MGA: variants seen among roughly 807,000 people sequenced by gnomAD.
MGA encodes the protein MAX dimerization protein MGA.
A neutral mutation model predicts 261.1 loss-of-function variants in MGA; 40 were observed. The ratio of observed to expected loss-of-function variants is 0.15; its 90% CI spans 0.12 to 0.20. MGA has a LOEUF of 0.20. Ranked by LOEUF, MGA falls within the 10% of genes least tolerant of loss-of-function variation. The pLI, the probability that MGA is intolerant of heterozygous loss-of-function variation, is 1.00. For missense variants in MGA, 3,397 were observed against 3,630.5 expected (o/e 0.94, Z 1.65); for synonymous variants, 1,302 against 1,290.6 (o/e 1.01, Z -0.19).
At chr15:41,667,896 TAGGATCAAGTGATTCTCATGCCTC>T (rs1198749834) in intron 1 of MGA, among the ~76,000 whole-genome samples, 1 of 152,116 alleles carries the variant, frequency 6.6e-6, no homozygotes, top group African/African-American at 2.4e-5. Context: ...TTCTGCCTCC[TAGGATCAAGTGATTCTCATGCCTC>T]AGCCTCCTGA....
intron 9 of MGA, among the ~76,000 whole-genome samples, chr15:41,715,436 T>G (rs1256337784): frequency 6.6e-6 from 1 of 152,082 alleles, no homozygotes; most frequent in Non-Finnish European, 1.5e-5. Context: ...CTTTAAAGTC[T>G]TGTTTAGAAA....
upstream of MGA, chr15:41,660,303 C>T (rs1179966198): frequency 1.3e-5 from 2 of 152,462 alleles, no homozygotes; most frequent in African/African-American, 2.4e-5. Flanking sequence ...CGTTTGGACT[C>T]CTGGTGTTGG....
chr15:41,726,633 GC>G (rs1567039197), intron 9 of MGA, among the ~76,000 whole-genome samples: 1 of 151,774 alleles, frequency 6.6e-6, no homozygotes, highest in African/African-American at 2.4e-5. Flanking sequence ...GGTGGCTGAG[GC>G]ATGAGAATCT....
chr15:41,709,112 C>G (rs999138045), intron 7 of MGA, among the ~76,000 whole-genome samples: 1 of 151,956 alleles, frequency 6.6e-6, no homozygotes, highest in Non-Finnish European at 1.5e-5. Flanking sequence ...TTTGGGAGGC[C>G]GAAGCAAGCG....
At chr15:41,646,624 T>G (rs187706381) in intron 1 of MGA, among the ~76,000 whole-genome samples, 28 of 151,882 alleles carry the variant, frequency 1.8e-4, no homozygotes, top group Middle Eastern at 3.4e-3. Flanking sequence ...GAGGGAGAAT[T>G]GCTTGAACCT....
intron 17 of MGA, chr15:41,751,715 ACT>A (rs1252314777): frequency 6.6e-6 from 1 of 150,584 alleles, no homozygotes; most frequent in Non-Finnish European, 1.5e-5. Flanking sequence ...CAAGAACAAA[ACT>A]CTGTCTCGGG....
At chr15:41,763,795 CT>C (rs2063636433) in intron 22 of MGA, among the ~76,000 whole-genome samples, 1 of 152,112 alleles carries the variant, frequency 6.6e-6, no homozygotes, top group African/African-American at 2.4e-5. Flanking sequence ...TTAGTCTTAA[CT>C]TCTTATTACC....
At chr15:41,637,055 C>T (rs1019739233) in intron 1 of MGA, among the ~76,000 whole-genome samples, 5 of 151,836 alleles carry the variant, frequency 3.3e-5, no homozygotes, top group Admixed American at 2.0e-4. Flanking sequence ...TGGTAAAGGT[C>T]GTAGTAAAGA....
intron 1 of MGA, among the ~76,000 whole-genome samples, chr15:41,625,456 CT>C (rs1214339857): frequency 1.4e-5 from 2 of 145,054 alleles, no homozygotes; most frequent in Admixed American, 6.9e-5. Flanking sequence ...TTTTTTGAAT[CT>C]TTACAAAGTC....
In MGA at chr15:41,764,906, A is replaced by T; in HGVS notation, c.7765A>T (p.Thr2589Ser). 5 of 1,613,772 alleles carry T rather than the reference A, an allele frequency of 3.1e-6. No homozygotes were observed. Among genetic ancestry groups the T allele is most frequent in the Non-Finnish European group, 2.5e-6 (3 of 1,179,830 alleles). Reference sequence around the variant, plus strand: ...TACAGAAAATACCTCACCCTTGAACACTCCACACACCTCTGCCAACCTTGT... The same window carrying T: ...TACAGAAAATACCTCACCCTTGAACTCTCCACACACCTCTGCCAACCTTGT... The change falls in exon 23 of 24, where the codon ACT becomes TCT. Residue 2589 changes from threonine to serine, a missense_variant. Transcript: ENST00000219905.
chr15:41,655,723 C>T (rs960089209), upstream of MGA, among the ~76,000 whole-genome samples: 1 of 152,154 alleles, frequency 6.6e-6, no homozygotes, highest in African/African-American at 2.4e-5. Context: ...CAAGTGTCTG[C>T]CCTGTCAACA....
chr15:41,702,960 T>A (rs1487461628), intron 5 of MGA, among the ~76,000 whole-genome samples: 2 of 152,210 alleles, frequency 1.3e-5, no homozygotes, highest in Admixed American at 1.3e-4. Flanking sequence ...CCATTCCTAA[T>A]TCTCTCAGTA....
At chr15:41,734,898 T>C (rs1412990808) in intron 12 of MGA, among the ~76,000 whole-genome samples, 1 of 152,056 alleles carries the variant, frequency 6.6e-6, no homozygotes, top group Admixed American at 6.5e-5. Flanking sequence ...CCCAGTAATA[T>C]TGGCATCATT....
At chr15:41,651,993 C>A (rs1032287585) in intron 1 of MGA, among the ~76,000 whole-genome samples, 1 of 71,358 alleles carries the variant, frequency 1.4e-5, no homozygotes, top group Non-Finnish European at 2.4e-5. Flanking sequence ...GAGACGGAGT[C>A]TCTTGCTCTG....
intron 17 of MGA, among the ~76,000 whole-genome samples, chr15:41,753,534 T>C (rs1256345039): frequency 6.6e-6 from 1 of 152,198 alleles, no homozygotes; most frequent in African/African-American, 2.4e-5. Flanking sequence ...GTAAACACTT[T>C]GACTCCTTTT....
At chr15:41,710,616 A>G in intron 7 of MGA, 75 bp from the exon 8 acceptor site, 2 of 1,391,758 alleles carry the variant, frequency 1.4e-6, no homozygotes, top group Non-Finnish European at 1.9e-6. Flanking sequence ...ATTCTTGGCC[A>G]TTTTTAGTGT....
Position 41,708,133 on chromosome 15 carries a change from G to A in MGA, c.2350G>A (p.Gly784Arg), listed in dbSNP as rs1490747466. The change falls in exon 7 of 24, where the codon GGG (glycine) becomes AGG (arginine). Residue 784 changes from glycine to arginine, a missense_variant. By Grantham distance (125) the Gly-to-Arg change is moderately radical. Around this residue, in one of 9 missense-constraint regions of MGA, gnomAD observed 519 missense variants for 554.1 expected, o/e 0.94. Transcript: ENST00000219905. ...GGGATTTCCCTTTGTTTCTAGGACA[G>A]GGAAAACCAATGATTTCACTAAGAT... 6.3e-7 allele frequency: 1 copy of A among 1,596,190 alleles called. No individual in the cohort carries two copies.
chr15:41,674,438 C>T (rs534794309), intron 2 of MGA, among the ~76,000 whole-genome samples: 2 of 152,218 alleles, frequency 1.3e-5, no homozygotes, highest in African/African-American at 4.8e-5. Flanking sequence ...CCTCAAGTGG[C>T]CTGCTCACCT....
chr15:41,707,716 T>C lies in MGA; in HGVS notation c.2189-12T>C. The C allele has an allele frequency of 1.9e-6, 3 of 1,592,290 alleles. No homozygotes were observed. Among genetic ancestry groups the C allele is most frequent in the Non-Finnish European group, 2.6e-6 (3 of 1,171,514 alleles). Reference sequence around the variant, plus strand: ...TTAATCTATGGAAATATGATTTCCTTTTTTCTTTTAGTGGGCTTAAAATTG... The same window carrying C: ...TTAATCTATGGAAATATGATTTCCTCTTTTCTTTTAGTGGGCTTAAAATTG... On this transcript the variant is annotated splice_polypyrimidine_tract_variant and intron_variant, in intron 5 of 23. Transcript: ENST00000219905.
Sources: gnomAD v4.1 joint callset for allele counts (sites outside exome capture counted in the v4.1 genomes callset) on GRCh38, gnomAD v4.1.1 for gene constraint, gnomAD v4.1.1 regional missense constraint, MANE v1.5 for transcripts, NCBI Gene and HGNC (gene_info 2026-07-23, HGNC 2026-07-21) for gene names.